The following PTPRG variants were observed in gnomAD, a reference collection of about 807,000 sequenced individuals.
PTPRG encodes protein tyrosine phosphatase receptor type G.
In PTPRG, 102 loss-of-function variants were observed where a neutral mutation model predicts 165.3. That is an observed-to-expected ratio of 0.62 (90% confidence interval 0.53 to 0.73). PTPRG has a LOEUF of 0.73. Ranked by LOEUF, PTPRG falls within the 30% of genes least tolerant of loss-of-function variation. The probability of loss-of-function intolerance (pLI) is 0.00; values close to 1 mark genes in which losing one functional copy is unlikely to be tolerated. For synonymous variants in PTPRG, 675 were observed against 669.5 expected, an observed-to-expected ratio of 1.01 and a Z score of -0.13; for missense variants, 1,866 against 1,861.4, an observed-to-expected ratio of 1.00 and a Z score of -0.05.
At chr3:62,096,169 C>G (rs874884) in intron 5 of PTPRG, among the ~76,000 whole-genome samples, 13,692 of 152,026 alleles carry the variant, frequency 0.09, 694 homozygotes, top group African/African-American at 0.13. Flanking sequence ...AAAATGATAT[C>G]TTTCTATTAC....
At chr3:61,917,889 G>A (rs992620588) in intron 2 of PTPRG, among the ~76,000 whole-genome samples, 5 of 152,162 alleles carry the variant, frequency 3.3e-5, no homozygotes, top group South Asian at 4.1e-4. Flanking sequence ...CCGAGATCAC[G>A]CCGCTGCGAT....
At chr3:61,623,941 C>A (rs60197600) in intron 1 of PTPRG, among the ~76,000 whole-genome samples, 4,502 of 152,254 alleles carry the variant, frequency 0.03, 221 homozygotes, top group African/African-American at 0.1. Flanking sequence ...TTCGGAAATG[C>A]TGTTGTTTGA....
At chr3:61,878,366 T>A (rs2037799443) in intron 2 of PTPRG, among the ~76,000 whole-genome samples, 1 of 152,218 alleles carries the variant, frequency 6.6e-6, no homozygotes, top group African/African-American at 2.4e-5. Flanking sequence ...TCTGTTTGAT[T>A]ATTGATTTCT....
chr3:61,966,215 G>A (rs562527939), intron 2 of PTPRG, among the ~76,000 whole-genome samples: 10 of 152,240 alleles, frequency 6.6e-5, no homozygotes, highest in East Asian at 5.8e-4. Context: ...ATCTGCTGGC[G>A]AAATTTTTGA....
At chr3:61,988,579 A>G (rs1308248124) in intron 2 of PTPRG, among the ~76,000 whole-genome samples, 2 of 152,192 alleles carry the variant, frequency 1.3e-5, no homozygotes, top group African/African-American at 4.8e-5. Flanking sequence ...CCACCCATCT[A>G]CCAGTATTTC....
At chr3:61,803,919 T>C (rs1451810516) in intron 2 of PTPRG, among the ~76,000 whole-genome samples, 1 of 152,194 alleles carries the variant, frequency 6.6e-6, no homozygotes, top group Non-Finnish European at 1.5e-5. Context: ...CATGGCAAGA[T>C]CCATTTGTTG....
chr3:61,563,928 T>C (rs1699838697), intron 1 of PTPRG, among the ~76,000 whole-genome samples: 1 of 152,040 alleles, frequency 6.6e-6, no homozygotes, highest in Admixed American at 6.5e-5. Flanking sequence ...CTGCGCATCC[T>C]CCTGCCCGCG....
intron 2 of PTPRG, among the ~76,000 whole-genome samples, chr3:61,870,671 G>A (rs987524972): frequency 3.3e-5 from 5 of 150,430 alleles, no homozygotes; most frequent in South Asian, 2.1e-4. Flanking sequence ...ATGAGCCATC[G>A]CACCCATTGT....
intron 8 of PTPRG, among the ~76,000 whole-genome samples, chr3:62,189,552 G>A (rs945680129): frequency 6.6e-6 from 1 of 152,126 alleles, no homozygotes; most frequent in Non-Finnish European, 1.5e-5. Flanking sequence ...CAAACCAGAA[G>A]GTCCTCCTCA....
In PTPRG at chr3:62,268,957, T is replaced by C. The variant is rs1325841076; in HGVS notation, c.2875-78T>C. 8 of 1,382,664 alleles carry C rather than the reference T, an allele frequency of 5.8e-6. No individual in the cohort carries two copies. In the East Asian group the frequency reaches 1.2e-4, roughly 21 times the overall value. The allele number at this position is 1,382,664 out of a possible 1,614,324, so 85.6% of individuals were successfully genotyped here. A position where few individuals can be genotyped will look rare whatever the true frequency, so the allele number is the denominator to read the frequency against. ...TGGCAATCTCACCTGTGTTTTAACA[T>C]TGTCGTTTGAAATTACATTATCAAC... On this transcript the variant is annotated intron_variant, in intron 19 of 29. Coordinates refer to ENST00000474889, the MANE Select transcript of PTPRG (RefSeq NM_002841.4).
intron 17 of PTPRG, among the ~76,000 whole-genome samples, chr3:62,266,329 CCTT>C (rs1388583561): frequency 6.6e-6 from 1 of 152,018 alleles, no homozygotes; most frequent in Non-Finnish European, 1.5e-5. Context: ...GTATGAAAAA[CCTT>C]CTCTCAGATT....
intron 1 of PTPRG, among the ~76,000 whole-genome samples, chr3:61,671,741 T>G (rs544885610): frequency 3.3e-5 from 1 of 29,982 alleles, no homozygotes; most frequent in African/African-American, 2.7e-4. Flanking sequence ...CCTCACCTCC[T>G]GGACGGGGCG....
chr3:61,755,966 T>C lies in PTPRG; in HGVS notation c.190+6984T>C, dbSNP rs547919758. ...GGGAGGAAGAGGGCAGGATGAAAAATGATGGGGCTGTATCACTGGGGATTT... is the reference window on the plus strand; with the variant it reads ...GGGAGGAAGAGGGCAGGATGAAAAACGATGGGGCTGTATCACTGGGGATTT... On this transcript the variant is annotated intron_variant, in intron 2 of 29. Transcript: ENST00000474889. Among the ~76,000 whole-genome samples, 12 of 152,088 alleles carry C rather than the reference T, an allele frequency of 7.9e-5. 2 individuals are homozygous for C. The South Asian group carries it at 2.5e-3, about 32-fold the overall frequency.
At chr3:62,010,562 C>T (rs900434026) in intron 4 of PTPRG, among the ~76,000 whole-genome samples, 4 of 148,648 alleles carry the variant, frequency 2.7e-5, no homozygotes, top group South Asian at 4.2e-4. Context: ...TCCTGTGTTG[C>T]CCAGGCTGGT....
At position 62,296,693 on chromosome 3, in the gene PTPRG, C is replaced by G. The variant is rs1703075027; in HGVS notation, c.*3386C>G. ...AGATGTAATTTCACTTAACCCTTTGCGCTTTCCCTTAGTTGTCATTTAACA... is the reference window on the plus strand; with the variant it reads ...AGATGTAATTTCACTTAACCCTTTGGGCTTTCCCTTAGTTGTCATTTAACA... On this transcript the variant is annotated 3_prime_UTR_variant, in exon 30 of 30. Transcript: ENST00000474889. 6.7e-6 allele frequency: 1 copy of G among 150,200 alleles called. No individual in the cohort carries two copies. Among genetic ancestry groups the G allele is most frequent in the Admixed American group, 6.6e-5 (1 of 15,062 alleles). 9.3% of individuals were successfully genotyped at this position (150,200 alleles called of 1,614,324 possible).
intron 2 of PTPRG, among the ~76,000 whole-genome samples, chr3:61,954,150 C>T (rs557025422): frequency 6.6e-6 from 1 of 152,252 alleles, no homozygotes; most frequent in African/African-American, 2.4e-5. Flanking sequence ...GCACCTAAAT[C>T]CCTTCCCTGC....
intron 2 of PTPRG, among the ~76,000 whole-genome samples, chr3:61,965,678 A>G (rs532999211): frequency 6.6e-6 from 1 of 152,244 alleles, no homozygotes; most frequent in African/African-American, 2.4e-5. Flanking sequence ...GCATTGGGCA[A>G]TAATAATGGC....
intron 4 of PTPRG, among the ~76,000 whole-genome samples, chr3:62,069,536 A>T (rs1463966720): frequency 1.3e-5 from 2 of 152,140 alleles, no homozygotes; most frequent in East Asian, 3.9e-4. Context: ...ATAATGTGAT[A>T]CACAGACAGA....
intron 26 of PTPRG, among the ~76,000 whole-genome samples, chr3:62,280,517 A>G (rs1240103426): frequency 6.6e-6 from 1 of 152,092 alleles, no homozygotes; most frequent in Non-Finnish European, 1.5e-5. Context: ...GTAAGTCAAG[A>G]TACCCCACAC....
Sources: gnomAD v4.1 joint callset for allele counts (sites outside exome capture counted in the v4.1 genomes callset) on GRCh38, gnomAD v4.1.1 for gene constraint, MANE v1.5 for transcripts, NCBI Gene and HGNC (gene_info 2026-07-23, HGNC 2026-07-21) for gene names.